OR4K1: variants seen among roughly 807,000 people sequenced by gnomAD.
OR4K1 encodes olfactory receptor family 4 subfamily K member 1, also known as olfactory receptor 4K1.
Under a neutral mutation model 14.4 loss-of-function variants are expected in OR4K1, and 16 were observed. The ratio of observed to expected loss-of-function variants is 1.11; its 90% confidence interval spans 0.75 to 1.68. OR4K1 has a LOEUF of 1.68. OR4K1 is among the 40% of genes most tolerant of loss of function. The pLI is 0.00. For synonymous variants in OR4K1, 181 were observed against 133.1 expected (o/e 1.36, Z -2.48); for missense variants, 548 against 376.9 (o/e 1.45, Z -3.76).
the OR4K1 span, chr14:19,920,475 CATTCAGCAAATGCACATTATATCTGAGAT>C: frequency 8.4e-7 from 1 of 1,188,576 alleles, no homozygotes; most frequent in Non-Finnish European, 1.2e-6. Context: ...AAAATTTTTG[CATTCAGCAAATGCACATTATATCTGAGAT>C]CTCAGAATCC....
At chr14:19,933,785 C>G (rs927938870) in intron 1 of OR4K1, among the ~76,000 whole-genome samples, 1 of 152,168 alleles carries the variant, frequency 6.6e-6, no homozygotes, top group African/African-American at 2.4e-5. Flanking sequence ...CGGGGTTTCA[C>G]CATGATTGCC....
chr14:19,921,346 T>C, the OR4K1 span: 1 of 1,614,160 alleles, frequency 6.2e-7, no homozygotes, highest in Admixed American at 1.7e-5. Context: ...ATTGCAGTAG[T>C]AATATTATTC....
At chr14:19,926,926 G>A (rs937499958), upstream of OR4K1, among the ~76,000 whole-genome samples, 2 of 152,256 alleles carry the variant, frequency 1.3e-5, no homozygotes, top group African/African-American at 4.8e-5. Context: ...TTAGTATGCT[G>A]TTGGGTCTTA....
the OR4K1 span, among the ~76,000 whole-genome samples, chr14:19,924,629 C>T: frequency 1.1e-4 from 16 of 152,244 alleles, no homozygotes; most frequent in South Asian, 1.2e-3. Flanking sequence ...TCGTGGAAGA[C>T]GGTGTAGCTA....
chr14:19,921,157 T>C, the OR4K1 span: 2 of 1,614,138 alleles, frequency 1.2e-6, no homozygotes, highest in Non-Finnish European at 1.7e-6. Flanking sequence ...CTTCCTCGAG[T>C]CACCAAACTT....
the OR4K1 span, chr14:19,920,856 GA>G: frequency 6.2e-7 from 1 of 1,614,204 alleles, no homozygotes; most frequent in Non-Finnish European, 8.5e-7. Flanking sequence ...AATGATTGCA[GA>G]TTTTCTGAGT....
At chr14:19,920,824 AG>A in the OR4K1 span, 4 of 1,614,222 alleles carry the variant, frequency 2.5e-6, no homozygotes, top group South Asian at 3.3e-5. Context: ...GACATTTGTC[AG>A]GCTTCTTTTG....
In OR4K1 at chr14:19,936,419, C is replaced by T. The variant is rs142429554; in HGVS notation, c.753C>T (p.Phe251=). Residue 251 remains phenylalanine (F), a synonymous_variant, in exon 2 of 2, where the codon TTC becomes TTT. Coordinates refer to ENST00000641172, the MANE Select transcript of OR4K1 (RefSeq NM_001004063.3). The part of the protein sequence containing the change: ...TAHITVVILF[F]GPCIYFYIWP... ...ACATCACAGTGGTCATTCTTTTCTT[C>T]GGGCCTTGCATTTATTTCTATATAT... is the stretch of plus-strand genomic sequence containing the variant. The T allele has an allele frequency of 8.7e-4, 1,399 of 1,613,770 alleles. No homozygotes were observed. The African/African-American group carries it at 0.015, about 18-fold the overall frequency.
At chr14:19,921,857 G>C in the OR4K1 span, among the ~76,000 whole-genome samples, 3 of 152,140 alleles carry the variant, frequency 2.0e-5, no homozygotes, top group Admixed American at 1.3e-4. Context: ...TAAATATCAA[G>C]AAAAAAATCA....
intron 1 of OR4K1, among the ~76,000 whole-genome samples, chr14:19,932,394 T>C (rs1165079524): frequency 3.3e-5 from 5 of 152,116 alleles, no homozygotes; most frequent in Admixed American, 2.0e-4. Context: ...CCCCTTTGTC[T>C]TCTTGAGCAC....
upstream of OR4K1, among the ~76,000 whole-genome samples, chr14:19,926,308 G>C (rs1882063015): frequency 6.6e-6 from 1 of 152,174 alleles, no homozygotes; most frequent in African/African-American, 2.4e-5. Context: ...TTTATAGTTT[G>C]TTCAGCTTTT....
In OR4K1 at chr14:19,935,954, T is replaced by C. The variant is rs777525228; in HGVS notation, c.288T>C (p.Gly96=). The change falls in exon 2 of 2, where the codon GGT becomes GGC. Residue 96 remains glycine (G), a synonymous_variant. Coordinates refer to ENST00000641172, the MANE Select transcript of OR4K1 (RefSeq NM_001004063.3). ...FIERKTISFE[G]CMAQIFVLHS... ...AGCGCAAGACTATCTCCTTTGAGGG[T>C]TGCATGGCCCAGATATTCGTTCTTC... is the stretch of plus-strand genomic sequence containing the variant. 1.2e-6 allele frequency: 2 copies of C among 1,614,230 alleles called. No individual in the cohort carries two copies. The highest frequency in any genetic ancestry group is 1.7e-6 in the Non-Finnish European group (2 of 1,180,028).
chr14:19,929,416 G>A (rs1281771456), upstream of OR4K1, among the ~76,000 whole-genome samples: 2 of 147,816 alleles, frequency 1.4e-5, no homozygotes, highest in Non-Finnish European at 1.5e-5. Flanking sequence ...CGTATGGGGG[G>A]AGAGAGAGAG....
chr14:19,929,294 AT>A (rs1377930758), upstream of OR4K1, among the ~76,000 whole-genome samples: 2 of 147,980 alleles, frequency 1.4e-5, no homozygotes, highest in Non-Finnish European at 3.0e-5. Context: ...TGTTTCATTT[AT>A]TTTTTATATA....
chr14:19,926,592 G>A (rs1372468685), upstream of OR4K1, among the ~76,000 whole-genome samples: 1 of 152,166 alleles, frequency 6.6e-6, no homozygotes, highest in Non-Finnish European at 1.5e-5. Flanking sequence ...TTACCACTGA[G>A]AAAGAGGCAC....
chr14:19,925,907 C>A, the OR4K1 span, among the ~76,000 whole-genome samples: 1 of 152,230 alleles, frequency 6.6e-6, no homozygotes, highest in East Asian at 1.9e-4. Flanking sequence ...TCCAGGAATG[C>A]AGAGTAACAG....
chr14:19,934,773 C>T (rs1423265847), intron 1 of OR4K1, among the ~76,000 whole-genome samples: 1 of 152,022 alleles, frequency 6.6e-6, no homozygotes, highest in Non-Finnish European at 1.5e-5. Context: ...CAGGTTCAAG[C>T]AATTCTCCTG....
chr14:19,928,589 G>T (rs147147539), upstream of OR4K1, among the ~76,000 whole-genome samples: 246 of 151,854 alleles, frequency 1.6e-3, 2 homozygotes, highest in African/African-American at 5.8e-3. Flanking sequence ...TTTTAATTGG[G>T]CATATTTTTT....
the OR4K1 span, chr14:19,921,168 G>A: frequency 1.2e-6 from 2 of 1,614,004 alleles, no homozygotes; most frequent in Admixed American, 1.7e-5. Flanking sequence ...CACCAAACTT[G>A]CCTGCCTGGA....
Sources: gnomAD v4.1 joint callset for allele counts (sites outside exome capture counted in the v4.1 genomes callset) on GRCh38, gnomAD v4.1.1 for gene constraint, MANE v1.5 for transcripts, NCBI Gene and HGNC (gene_info 2026-07-23, HGNC 2026-07-21) for gene names.